Variants in CDKL4 observed in about 807,000 individuals in gnomAD.
The protein encoded by CDKL4 is cyclin-dependent kinase-like 4.
In CDKL4, 44 loss-of-function variants were observed where a neutral mutation model predicts 42.0. That is an observed-to-expected ratio of 1.05 (90% CI 0.82 to 1.35). The LOEUF is 1.35. Ranked by LOEUF, CDKL4 falls within the 40% of genes most tolerant of loss-of-function variation. The pLI, the probability that CDKL4 is intolerant of heterozygous loss-of-function variation, is 0.00. For synonymous variants in CDKL4, 120 were observed against 121.6 expected (o/e 0.99, Z 0.09); for missense variants, 393 against 369.9 (o/e 1.06, Z -0.51).
chr2:39,179,052 T>C, intron 9 of CDKL4, 135 bp downstream of exon 9: 1 of 1,499,348 alleles, frequency 6.7e-7, no homozygotes, highest in South Asian at 1.4e-5. Context: ...CCAATATTTA[T>C]TAAGCTAGAC....
intron 4 of CDKL4, among the ~76,000 whole-genome samples, chr2:39,208,181 A>G (rs1677327733): frequency 6.6e-6 from 1 of 151,996 alleles, no homozygotes; most frequent in South Asian, 2.1e-4. Flanking sequence ...CATGGGGGGA[A>G]GAAGATGCTT....
At chr2:39,181,500 G>A (rs940074185) in intron 8 of CDKL4, among the ~76,000 whole-genome samples, 3 of 152,084 alleles carry the variant, frequency 2.0e-5, no homozygotes, top group Admixed American at 6.6e-5. Flanking sequence ...CTTAACATCT[G>A]CCTCAAGGTC....
chr2:39,207,699 G>A lies in CDKL4; in HGVS notation c.364-3082C>T, dbSNP rs1419324461. On this transcript the variant is annotated intron_variant, in intron 4 of 9. Transcript: ENST00000451199. Reference sequence around the variant, plus strand: ...AACCAAATATACAAAAGGAAATGAAGTATTGACATATTCCAAAGAAACAGG... The same window carrying A: ...AACCAAATATACAAAAGGAAATGAAATATTGACATATTCCAAAGAAACAGG... 3.9e-5 allele frequency among the ~76,000 whole-genome samples: 6 copies of A among 152,196 alleles called. No homozygotes were observed. In the East Asian group the frequency reaches 1.2e-3, roughly 29 times the overall value.
At chr2:39,243,678 G>A (rs1013679142) in intron 1 of CDKL4, among the ~76,000 whole-genome samples, 193 bp downstream of exon 1, 2 of 152,168 alleles carry the variant, frequency 1.3e-5, no homozygotes, top group African/African-American at 4.8e-5. Flanking sequence ...GACCCTCACC[G>A]GGTCAGTGCT....
intron 2 of CDKL4, among the ~76,000 whole-genome samples, chr2:39,228,481 G>A (rs905340898): frequency 6.6e-6 from 1 of 152,144 alleles, no homozygotes; most frequent in Non-Finnish European, 1.5e-5. Flanking sequence ...AATTTCTGGG[G>A]ATTTTCTAAA....
intron 8 of CDKL4, among the ~76,000 whole-genome samples, chr2:39,184,030 C>T (rs1675586948): frequency 6.6e-6 from 1 of 152,214 alleles, no homozygotes; most frequent in Non-Finnish European, 1.5e-5. Context: ...AGGTCCCACT[C>T]ATGAAAATTC....
At chr2:39,210,682 G>A (rs953269298) in intron 4 of CDKL4, among the ~76,000 whole-genome samples, 1 of 152,070 alleles carries the variant, frequency 6.6e-6, no homozygotes, top group Non-Finnish European at 1.5e-5. Context: ...TGTGGTAAGT[G>A]GTATTTTTAG....
chr2:39,179,639 T>C (rs1675324062), intron 8 of CDKL4, among the ~76,000 whole-genome samples: 1 of 152,234 alleles, frequency 6.6e-6, no homozygotes, highest in African/African-American at 2.4e-5. Flanking sequence ...GTATAGTCCC[T>C]GGACTAAAAA....
At chr2:39,175,731 G>A (rs1192368733) in exon 10 of CDKL4, 4 of 194,384 alleles carry the variant, frequency 2.1e-5, no homozygotes, top group Admixed American at 1.1e-4. Flanking sequence ...AGATAGCCTC[G>A]GGAGGGGCTG....
At chr2:39,243,804 G>A (rs1336454523) in intron 1 of CDKL4, among the ~76,000 whole-genome samples, 67 bp downstream of exon 1, 1 of 152,134 alleles carries the variant, frequency 6.6e-6, no homozygotes, top group Admixed American at 6.5e-5. Flanking sequence ...TCTAGACCTC[G>A]CGGCTCACCC....
At chr2:39,208,920 A>T (rs1237250649) in intron 4 of CDKL4, among the ~76,000 whole-genome samples, 1 of 151,964 alleles carries the variant, frequency 6.6e-6, no homozygotes, top group African/African-American at 2.4e-5. Flanking sequence ...GAGGAGAGAG[A>T]AAAGCAACCC....
chr2:39,182,752 C>A (rs1675511396), intron 8 of CDKL4, among the ~76,000 whole-genome samples: 1 of 152,198 alleles, frequency 6.6e-6, no homozygotes, highest in African/African-American at 2.4e-5. Context: ...GTGATAGGAT[C>A]ATCATGACTA....
chr2:39,240,677 TAAA>T (rs768356807), intron 1 of CDKL4, among the ~76,000 whole-genome samples: 1 of 87,936 alleles, frequency 1.1e-5, no homozygotes. Context: ...AGATGAACAT[TAAA>T]AAAAAAAAAA....
rs118159563 is a variant in CDKL4, at chr2:39,236,304, C to T, written c.-56-6716G>A. On this transcript the variant is annotated intron_variant, in intron 1 of 9. Coordinates refer to ENST00000451199, the Ensembl canonical transcript of CDKL4. The stretch of plus-strand genomic sequence containing the variant: ...ACAAGATGAACAGAGCCTCAGAGAC[C>T]GATGGAGGCAAAATCAATACTACCA... Among the ~76,000 whole-genome samples, 237 of 151,968 alleles carry T rather than the reference C, an allele frequency of 1.6e-3. 6 individuals are homozygous for T. The East Asian group carries it at 0.021, about 13-fold the overall frequency.
chr2:39,170,522 T>C, the CDKL4 span, among the ~76,000 whole-genome samples: 2 of 152,062 alleles, frequency 1.3e-5, no homozygotes, highest in Non-Finnish European at 2.9e-5. Context: ...AAAGGCACGA[T>C]CTTGGCTCAC....
chr2:39,243,297 T>C (rs559228048), intron 1 of CDKL4, among the ~76,000 whole-genome samples: 1 of 152,266 alleles, frequency 6.6e-6, no homozygotes, highest in East Asian at 1.9e-4. Flanking sequence ...ATTAGTCAAA[T>C]GGGCCATTAA....
At chr2:39,203,229 A>C (rs1676962687) in intron 5 of CDKL4, among the ~76,000 whole-genome samples, 1 of 152,250 alleles carries the variant, frequency 6.6e-6, no homozygotes, top group African/African-American at 2.4e-5. Flanking sequence ...AAAAGAATGC[A>C]TATTCATGAA....
intron 2 of CDKL4, among the ~76,000 whole-genome samples, chr2:39,228,924 T>C (rs1253074394): frequency 6.6e-6 from 1 of 152,194 alleles, no homozygotes; most frequent in Non-Finnish European, 1.5e-5. Context: ...CTATTCAGTA[T>C]GTCTAAGAAC....
intron 3 of CDKL4, among the ~76,000 whole-genome samples, chr2:39,224,550 C>A (rs1678577038): frequency 6.9e-6 from 1 of 145,166 alleles, no homozygotes; most frequent in Non-Finnish European, 1.5e-5. Context: ...GTCACCAAGG[C>A]TGGAGTGCAG....
Sources: gnomAD v4.1 joint callset for allele counts (sites outside exome capture counted in the v4.1 genomes callset) on GRCh38, gnomAD v4.1.1 for gene constraint, MANE v1.5 for transcripts, NCBI Gene and HGNC (gene_info 2026-07-23, HGNC 2026-07-21) for gene names.